Variants in BACH2 observed in about 807,000 individuals in gnomAD.
The protein encoded by BACH2 is transcription regulator protein BACH2.
In BACH2, 5 loss-of-function variants were observed where a neutral mutation model predicts 61.8. The ratio of observed to expected loss-of-function variants is 0.08; its 90% CI spans 0.04 to 0.17. BACH2 has a LOEUF of 0.17. Ranked by LOEUF, BACH2 falls within the 10% of genes least tolerant of loss-of-function variation. The pLI is 1.00. For missense variants in BACH2, 824 were observed against 1,091.1 expected, an observed-to-expected ratio of 0.76 and a Z score of 3.45; for synonymous variants, 446 against 440.1, an observed-to-expected ratio of 1.01 and a Z score of -0.17.
chr6:90,157,338 C>CTT (rs1267532956), intron 4 of BACH2, among the ~76,000 whole-genome samples: 1 of 152,184 alleles, frequency 6.6e-6, no homozygotes, highest in African/African-American at 2.4e-5. Context: ...CAAAGGAACT[C>CTT]TAAGGGCACA....
chr6:89,997,005 G>GCACACACACA (rs60037899), intron 6 of BACH2, among the ~76,000 whole-genome samples: 24 of 149,518 alleles, frequency 1.6e-4, no homozygotes, highest in African/African-American at 5.7e-4. Flanking sequence ...ATGCACACGG[G>GCACACACACA]CACACACACA....
chr6:90,209,728 T>A (rs966017703), intron 3 of BACH2, among the ~76,000 whole-genome samples: 52 of 152,180 alleles, frequency 3.4e-4, no homozygotes, highest in Admixed American at 1.1e-3. Context: ...CTCTCAGAAC[T>A]TGGATAAATA....
intron 5 of BACH2, among the ~76,000 whole-genome samples, chr6:90,010,177 C>T (rs1434927853): frequency 6.6e-6 from 1 of 152,006 alleles, no homozygotes; most frequent in East Asian, 1.9e-4. Flanking sequence ...ACTGTGAAAC[C>T]ATCATCACAA....
At chr6:90,250,150 C>A (rs752607831) in intron 3 of BACH2, among the ~76,000 whole-genome samples, 6 of 152,090 alleles carry the variant, frequency 3.9e-5, no homozygotes, top group Admixed American at 1.3e-4. Context: ...TTCATATATG[C>A]CTTAAGGAAA....
At position 90,039,673 on chromosome 6, in the gene BACH2, T is replaced by C. The variant is rs1278990611; in HGVS notation, c.-12-30817A>G. 2.0e-5 allele frequency among the ~76,000 whole-genome samples: 3 copies of C among 152,314 alleles called. No individual in the cohort carries two copies. The East Asian group carries it at 5.8e-4, about 29-fold the overall frequency. Reference sequence around the variant, plus strand: ...TGCTGGGATTACAGGCATAAGCCACTGCGCCTGGCCAAGAGTACTTCTTTA... The same window carrying C: ...TGCTGGGATTACAGGCATAAGCCACCGCGCCTGGCCAAGAGTACTTCTTTA... On this transcript the variant is annotated intron_variant, in intron 5 of 8. Coordinates refer to ENST00000257749, the MANE Select transcript of BACH2 (RefSeq NM_021813.4).
At chr6:90,003,344 C>G (rs145485425) in intron 6 of BACH2, among the ~76,000 whole-genome samples, 1 of 152,180 alleles carries the variant, frequency 6.6e-6, no homozygotes, top group Admixed American at 6.5e-5. Context: ...ATCAGCACAG[C>G]CAGCTCCCTC....
chr6:90,240,520 A>G (rs1257115015), intron 3 of BACH2, among the ~76,000 whole-genome samples: 1 of 152,246 alleles, frequency 6.6e-6, no homozygotes, highest in Non-Finnish European at 1.5e-5. Context: ...GAAAACAAGC[A>G]TAACGAAAAA....
intron 5 of BACH2, among the ~76,000 whole-genome samples, chr6:90,056,099 A>C (rs896904937): frequency 1.3e-5 from 2 of 152,232 alleles, no homozygotes; most frequent in African/African-American, 2.4e-5. Flanking sequence ...TCATAATGAC[A>C]GGATCAAATT....
intron 4 of BACH2, among the ~76,000 whole-genome samples, chr6:90,098,372 C>T (rs1261669046): frequency 1.3e-5 from 2 of 152,052 alleles, no homozygotes; most frequent in Non-Finnish European, 2.9e-5. Flanking sequence ...TATCAAATGC[C>T]AGGACAGAAT....
At chr6:90,241,390 G>A (rs892573272) in intron 3 of BACH2, among the ~76,000 whole-genome samples, 2 of 152,102 alleles carry the variant, frequency 1.3e-5, no homozygotes, top group Non-Finnish European at 2.9e-5. Context: ...CTACTCAACA[G>A]GGGGCAGGCT....
rs571550902 is a variant in BACH2 at position 90,085,835 on chromosome 6, A to G, written c.-13+3126T>C. On this transcript the variant is annotated intron_variant, in intron 5 of 8. Coordinates refer to ENST00000257749, the MANE Select transcript of BACH2 (RefSeq NM_021813.4). ...TAAAAAATTATGTAAAATATATACA[A>G]CATAAAATTTACCATTTTACCCATT... Among the ~76,000 whole-genome samples, 4 of 152,314 alleles carry G rather than the reference A, an allele frequency of 2.6e-5. No individual in the cohort carries two copies. The East Asian group carries it at 7.7e-4, about 29-fold the overall frequency.
chr6:90,238,518 C>T (rs901769443), intron 3 of BACH2, among the ~76,000 whole-genome samples: 1 of 152,192 alleles, frequency 6.6e-6, no homozygotes, highest in East Asian at 1.9e-4. Flanking sequence ...AAAAAACTCA[C>T]TCCTAATAAG....
rs145472587 is a variant in BACH2, at chr6:89,926,691, C to CTT, written c.*5715_*5716dup. 1 of 152,484 alleles carries CTT rather than the reference C, an allele frequency of 6.6e-6. No individual in the cohort carries two copies. Among genetic ancestry groups the CTT allele is most frequent in the African/African-American group, 2.4e-5 (1 of 41,366 alleles). 9.4% of individuals were successfully genotyped at this position (152,484 alleles called of 1,614,324 possible). On this transcript the variant is annotated 3_prime_UTR_variant, in exon 9 of 9. Coordinates refer to ENST00000257749, the MANE Select transcript of BACH2 (RefSeq NM_021813.4). ...TTCAATTCATTAGTTCATAGCAATG[C>CTT]TTTTTTCCCCCAAAAGGTAAAAATT... is the stretch of plus-strand genomic sequence containing the variant.
intron 4 of BACH2, among the ~76,000 whole-genome samples, chr6:90,119,496 C>T (rs1230404111): frequency 6.6e-6 from 1 of 152,116 alleles, no homozygotes; most frequent in African/African-American, 2.4e-5. Flanking sequence ...TTTGTGGTGT[C>T]AGTTTACTGA....
intron 2 of BACH2, among the ~76,000 whole-genome samples, chr6:90,263,070 A>G (rs973471290): frequency 5.3e-5 from 8 of 152,238 alleles, no homozygotes; most frequent in African/African-American, 1.9e-4. Flanking sequence ...CTCCATGGCC[A>G]CTGAAGGCTG....
At chr6:89,989,078 T>C (rs1399728594) in intron 6 of BACH2, among the ~76,000 whole-genome samples, 1 of 152,198 alleles carries the variant, frequency 6.6e-6, no homozygotes, top group Non-Finnish European at 1.5e-5. Flanking sequence ...TGATCACAGA[T>C]GGCTGTGCTG....
intron 5 of BACH2, among the ~76,000 whole-genome samples, chr6:90,083,554 T>A (rs942894882): frequency 6.6e-6 from 1 of 152,200 alleles, no homozygotes; most frequent in East Asian, 1.9e-4. Flanking sequence ...TTCAAAAGTA[T>A]GCCGTTGGTT....
In BACH2 at chr6:89,951,184, C is replaced by T. The variant is rs61740507; in HGVS notation, c.922G>A (p.Glu308Lys). 8 of 1,613,722 alleles carry T rather than the reference C, an allele frequency of 5.0e-6. No homozygotes were observed. Among genetic ancestry groups the T allele is most frequent in the South Asian group, 3.3e-5 (3 of 91,070 alleles). The change falls in exon 7 of 9, where the codon GAG becomes AAG. Residue 308 changes from glutamate to lysine, a missense_variant. By Grantham distance (56) the Glu-to-Lys change is moderately conservative (BLOSUM62 1). This residue lies in a region of BACH2 where 226 missense variants were observed against 228.5 expected (regional missense o/e 0.99). Coordinates refer to ENST00000257749, the MANE Select transcript of BACH2 (RefSeq NM_021813.4). This position sits in a 1 kb window ranked among gnomAD's most constrained non-coding sequence, Gnocchi z 6.4. ...GGGCTGGGCTGTTTCCGGTCCATCT[C>T]GACATCCCCCGCTCTGTCCTTGGCG... ...PDAKDRAGDV[E>K]MDRKQPSPAP...
intron 5 of BACH2, among the ~76,000 whole-genome samples, chr6:90,061,452 AAT>A (rs2127798660): frequency 6.6e-6 from 1 of 152,284 alleles, no homozygotes; most frequent in East Asian, 1.9e-4. Context: ...TTCTGTTTTG[AAT>A]ATGTTAAGTT....
Sources: allele counts gnomAD v4.1 joint callset (sites outside exome capture counted in the v4.1 genomes callset), GRCh38; gene constraint gnomAD v4.1.1; regional missense constraint gnomAD v4.1.1; non-coding constraint Gnocchi (gnomAD v3.1); transcripts MANE v1.5; gene names NCBI Gene and HGNC (gene_info 2026-07-23, HGNC 2026-07-21).